The following IKZF2 variants were observed in gnomAD, a reference collection of about 807,000 sequenced individuals.
IKZF2 encodes zinc finger protein Helios.
In IKZF2, 15 loss-of-function variants were observed where a neutral mutation model predicts 49.2. The ratio of observed to expected loss-of-function variants is 0.30; its 90% CI spans 0.20 to 0.47. The LOEUF is 0.47. Among genes scored for constraint, IKZF2 ranks in the 20% least tolerant of loss-of-function variants. The pLI, the probability that IKZF2 is intolerant of heterozygous loss-of-function variation, is 1.00. For synonymous variants in IKZF2, 227 were observed against 221.4 expected (o/e 1.03, Z -0.23); for missense variants, 567 against 664.6 (o/e 0.85, Z 1.61).
At chr2:213,101,562 A>AAG (rs372989873) in intron 4 of IKZF2, among the ~76,000 whole-genome samples, 2 of 151,526 alleles carry the variant, frequency 1.3e-5, no homozygotes, top group Non-Finnish European at 2.9e-5. Flanking sequence ...CAAAAAAAAA[A>AAG]TTAGTTCAAA....
chr2:213,112,516 T>C (rs192786636), intron 4 of IKZF2, among the ~76,000 whole-genome samples: 4 of 151,418 alleles, frequency 2.6e-5, no homozygotes, highest in African/African-American at 9.7e-5. Flanking sequence ...TGACAGATTG[T>C]GCAGTGGCAC....
chr2:213,047,057 T>A (rs1344750109), intron 6 of IKZF2, among the ~76,000 whole-genome samples: 1 of 152,074 alleles, frequency 6.6e-6, no homozygotes, highest in African/African-American at 2.4e-5. Context: ...GCAGGTTACA[T>A]TTGACTCTTT....
chr2:213,147,667 G>A, intron 4 of IKZF2, 41 bp downstream of exon 4: 1 of 1,396,598 alleles, frequency 7.2e-7, no homozygotes, highest in Non-Finnish European at 1.0e-6. Context: ...TTGCTGGAGA[G>A]ACACACACAC....
intron 4 of IKZF2, among the ~76,000 whole-genome samples, chr2:213,094,198 T>C (rs80220329): frequency 0.012 from 1,804 of 152,174 alleles, 13 homozygotes; most frequent in Non-Finnish European, 0.019. Context: ...TTCCATCTCT[T>C]AGGGGAGTGA....
chr2:213,090,981 A>G (rs1232325759), intron 4 of IKZF2, among the ~76,000 whole-genome samples: 1 of 152,158 alleles, frequency 6.6e-6, no homozygotes, highest in Non-Finnish European at 1.5e-5. Flanking sequence ...ACAGGCTCAG[A>G]TGAGATATAT....
rs11356704 is a variant in IKZF2, at chr2:213,145,172, T to TAA, written c.139+2534_139+2535dup. Among the ~76,000 whole-genome samples, 148 of 138,540 alleles carry TAA rather than the reference T, an allele frequency of 1.1e-3. 2 individuals carry two copies. In the South Asian group the frequency reaches 0.028, roughly 26 times the overall value. 90.9% of individuals were successfully genotyped at this position (138,540 alleles called of 152,430 possible). ...CTGGCCAGAATGTTAGCTGTTTTACTAAAAAAAAAAAAAAAATTTACTTAT... is the reference window on the plus strand; with the variant it reads ...CTGGCCAGAATGTTAGCTGTTTTACTAAAAAAAAAAAAAAAAAATTTACTTAT... On this transcript the variant is annotated intron_variant, in intron 4 of 8. Coordinates refer to ENST00000434687, the MANE Select transcript of IKZF2 (RefSeq NM_001387220.1).
At chr2:213,147,043 T>C (rs1289516905) in intron 4 of IKZF2, among the ~76,000 whole-genome samples, 2 of 152,128 alleles carry the variant, frequency 1.3e-5, no homozygotes, top group Non-Finnish European at 1.5e-5. Context: ...GCATGTAAGT[T>C]GCATCTTATT....
At chr2:213,150,429 C>T (rs2061240826) in intron 1 of IKZF2, 182 bp from the exon 2 acceptor site, 1 of 238,952 alleles carries the variant, frequency 4.2e-6, no homozygotes, top group African/African-American at 3.0e-5. Context: ...ATAAACAAAA[C>T]CAAGAAATGA....
intron 4 of IKZF2, among the ~76,000 whole-genome samples, chr2:213,138,808 G>C (rs1273681870): frequency 2.0e-5 from 3 of 152,000 alleles, no homozygotes; most frequent in Non-Finnish European, 2.9e-5. Context: ...GATGCGGTCA[G>C]ATCACTTCAA....
chr2:213,093,783 C>T (rs940419467), intron 4 of IKZF2, among the ~76,000 whole-genome samples: 5 of 152,248 alleles, frequency 3.3e-5, no homozygotes, highest in Admixed American at 3.3e-4. Flanking sequence ...TGGAAGAAAT[C>T]TTCATTGTAC....
chr2:213,039,283 T>C (rs1368976437), intron 6 of IKZF2, among the ~76,000 whole-genome samples: 2 of 152,076 alleles, frequency 1.3e-5, no homozygotes, highest in Non-Finnish European at 2.9e-5. Flanking sequence ...GCATTCAATA[T>C]TTCTGAGCTA....
Position 213,006,921 on chromosome 2 carries a change from T to C in IKZF2, c.*439A>G, listed in dbSNP as rs1574456201. 1 of 155,998 alleles carries C rather than the reference T, an allele frequency of 6.4e-6. No individual in the cohort carries two copies. The highest frequency in any genetic ancestry group is 2.4e-5 in the African/African-American group (1 of 41,498). The allele number at this position is 155,998 out of a possible 1,614,324, so 9.7% of individuals were successfully genotyped here. A position where few individuals can be genotyped will look rare whatever the true frequency, so the allele number is the denominator to read the frequency against. ...TTGGTTTACAGTTTGAAACACATTCTTCTTTCAAGAATAAAGTTACTTATA... is the reference window on the plus strand; with the variant it reads ...TTGGTTTACAGTTTGAAACACATTCCTCTTTCAAGAATAAAGTTACTTATA... On this transcript the variant is annotated 3_prime_UTR_variant, in exon 9 of 9. Coordinates refer to ENST00000434687, the MANE Select transcript of IKZF2 (RefSeq NM_001387220.1).
chr2:213,037,825 G>A (rs1407893321), intron 6 of IKZF2, among the ~76,000 whole-genome samples: 2 of 152,102 alleles, frequency 1.3e-5, no homozygotes, highest in Non-Finnish European at 2.9e-5. Flanking sequence ...GGTAGGGAAA[G>A]TTCACACTTG....
In IKZF2 at chr2:213,002,216, C is replaced by G. The variant is rs536646288; in HGVS notation, c.*5144G>C. The G allele has an allele frequency of 6.6e-6, 1 of 151,526 alleles. No homozygotes were observed. Among genetic ancestry groups the G allele is most frequent in the Non-Finnish European group, 1.5e-5 (1 of 67,504 alleles). The allele number at this position is 151,526 out of a possible 1,614,324, so 9.4% of individuals were successfully genotyped here. ...GAAAACTAGTCATTCATGTACCACT[C>G]TCTGTATGGGATAAAGGTTAATACA... is the stretch of plus-strand genomic sequence containing the variant. On this transcript the variant is annotated 3_prime_UTR_variant, in exon 9 of 9. Transcript: ENST00000434687.
chr2:213,149,747 C>T (rs965055445), intron 2 of IKZF2, among the ~76,000 whole-genome samples: 9 of 151,230 alleles, frequency 6.0e-5, no homozygotes, highest in Non-Finnish European at 8.8e-5. Flanking sequence ...CTTCTCCCTC[C>T]CCTCCCCTTC....
intron 4 of IKZF2, among the ~76,000 whole-genome samples, chr2:213,105,306 C>G (rs563118154): frequency 7.2e-5 from 11 of 152,246 alleles, no homozygotes; most frequent in African/African-American, 2.4e-4. Flanking sequence ...TCCTCTTCTC[C>G]CTTGCTGTTT....
intron 2 of IKZF2, among the ~76,000 whole-genome samples, chr2:213,149,675 G>C (rs2061206457): frequency 6.6e-6 from 1 of 151,724 alleles, no homozygotes; most frequent in African/African-American, 2.4e-5. Flanking sequence ...CTGGCTCCTG[G>C]AATTTCTCCA....
chr2:213,048,843 G>A (rs1242165433), intron 6 of IKZF2, among the ~76,000 whole-genome samples: 4 of 151,964 alleles, frequency 2.6e-5, no homozygotes, highest in Middle Eastern at 6.9e-3. Context: ...TCTCTAATAC[G>A]ATTTGTCAAT....
chr2:213,110,559 T>C (rs1467126038), intron 4 of IKZF2, among the ~76,000 whole-genome samples: 1 of 151,986 alleles, frequency 6.6e-6, no homozygotes, highest in African/African-American at 2.4e-5. Flanking sequence ...ATTTAATCAA[T>C]CCACTACTGA....
Sources: gnomAD v4.1 joint callset for allele counts (sites outside exome capture counted in the v4.1 genomes callset) on GRCh38, gnomAD v4.1.1 for gene constraint, MANE v1.5 for transcripts, NCBI Gene and HGNC (gene_info 2026-07-23, HGNC 2026-07-21) for gene names.